The following GABRA5 variants were observed in gnomAD, a reference collection of about 807,000 sequenced individuals.
GABRA5 encodes gamma-aminobutyric acid receptor subunit alpha-5.
Under a neutral mutation model 47.3 loss-of-function variants are expected in GABRA5, and 18 were observed. The observed-to-expected ratio is 0.38, with a 90% CI of 0.26 to 0.56. The LOEUF (loss-of-function observed/expected upper bound fraction) is 0.56, where lower values mean the gene tolerates loss of function less well. GABRA5 is among the 20% of genes least tolerant of loss of function. The probability of loss-of-function intolerance (pLI) is 0.71; values close to 1 mark genes in which losing one functional copy is unlikely to be tolerated. For synonymous variants in GABRA5, 237 were observed against 229.3 expected (o/e 1.03, Z -0.30); for missense variants, 365 against 599.3 (o/e 0.61, Z 4.08).
chr15:26,925,933 A>G (rs978374734), intron 7 of GABRA5, among the ~76,000 whole-genome samples: 6 of 152,216 alleles, frequency 3.9e-5, no homozygotes, highest in African/African-American at 1.4e-4. Flanking sequence ...ATGCATATGC[A>G]TAATTGAGGG....
intron 7 of GABRA5, among the ~76,000 whole-genome samples, chr15:26,926,796 C>T (rs1204948382): frequency 1.3e-5 from 2 of 152,122 alleles, no homozygotes; most frequent in African/African-American, 4.8e-5. Context: ...TTCAAGTCAA[C>T]GTGATACCCA....
chr15:26,879,770 T>C (rs1188103414), intron 3 of GABRA5, among the ~76,000 whole-genome samples: 1 of 152,150 alleles, frequency 6.6e-6, no homozygotes, highest in East Asian at 1.9e-4. Context: ...TTCAGCCTTT[T>C]CATGGGAGAG....
intron 6 of GABRA5, among the ~76,000 whole-genome samples, chr15:26,907,769 T>C (rs1484688421): frequency 6.6e-6 from 1 of 152,210 alleles, no homozygotes. Flanking sequence ...TCAGTTTTCA[T>C]ATAGTTGACT....
chr15:26,918,955 G>A (rs1893778092), intron 7 of GABRA5, among the ~76,000 whole-genome samples: 1 of 152,040 alleles, frequency 6.6e-6, no homozygotes. Context: ...CCTGGGCAAT[G>A]TGGGAAAACA....
intron 6 of GABRA5, 29 bp from the exon 7 acceptor site, chr15:26,914,774 T>A: frequency 6.3e-7 from 1 of 1,582,004 alleles, no homozygotes; most frequent in Non-Finnish European, 8.7e-7. Context: ...GAGAGAGTCG[T>A]TCAAAGGTCT....
At chr15:26,926,171 T>A (rs1347189961) in intron 7 of GABRA5, among the ~76,000 whole-genome samples, 1 of 152,048 alleles carries the variant, frequency 6.6e-6, no homozygotes, top group Non-Finnish European at 1.5e-5. Flanking sequence ...AGCCATTCTT[T>A]CCTCTAAATG....
chr15:26,888,006 A>G (rs1892920271), intron 6 of GABRA5, among the ~76,000 whole-genome samples: 1 of 152,336 alleles, frequency 6.6e-6, no homozygotes, highest in East Asian at 1.9e-4. Flanking sequence ...AATCCCTGCC[A>G]TGTTTCTGAA....
chr15:26,907,661 A>G (rs1034813816), intron 6 of GABRA5, among the ~76,000 whole-genome samples: 1 of 152,202 alleles, frequency 6.6e-6, no homozygotes, highest in African/African-American at 2.4e-5. Context: ...CACACGTCAC[A>G]GTCAGAAAAA....
chr15:26,894,157 G>C lies in GABRA5; in HGVS notation c.497+10600G>C, dbSNP rs181706466. Among the ~76,000 whole-genome samples, 386 of 152,286 alleles carry C rather than the reference G, an allele frequency of 2.5e-3. 10 individuals carry two copies. In the East Asian group the frequency reaches 0.065, roughly 25 times the overall value. On this transcript the variant is annotated intron_variant, in intron 6 of 10. Coordinates refer to ENST00000335625, the MANE Select transcript of GABRA5 (RefSeq NM_000810.4). The stretch of plus-strand genomic sequence containing the variant: ...CCCAGACGGCGCCGGACCTGGGCCC[G>C]GACTCTGCGAGCAGCCCAGCCCTCA...
At chr15:26,873,966 T>C (rs1313879727) in intron 3 of GABRA5, among the ~76,000 whole-genome samples, 2 of 152,174 alleles carry the variant, frequency 1.3e-5, no homozygotes, top group Non-Finnish European at 2.9e-5. Flanking sequence ...TAATTCTCAG[T>C]TATCTGCTTT....
intron 7 of GABRA5, among the ~76,000 whole-genome samples, chr15:26,919,234 TTTACA>T (rs1245655451): frequency 2.0e-5 from 3 of 152,168 alleles, no homozygotes; most frequent in Admixed American, 6.5e-5. Flanking sequence ...GTTTAATTCA[TTTACA>T]TTTAAAGTAA....
intron 6 of GABRA5, among the ~76,000 whole-genome samples, chr15:26,898,970 AAGTGATC>A (rs1426954602): frequency 3.9e-5 from 6 of 152,106 alleles, no homozygotes; most frequent in African/African-American, 1.4e-4. Context: ...TCCTGGGCTC[AAGTGATC>A]CTCCCACCTC....
intron 6 of GABRA5, among the ~76,000 whole-genome samples, chr15:26,901,148 A>C (rs1893317705): frequency 6.6e-6 from 1 of 152,176 alleles, no homozygotes; most frequent in Non-Finnish European, 1.5e-5. Context: ...TTGTGTAGGC[A>C]TAAGTTTTCC....
intron 4 of GABRA5, among the ~76,000 whole-genome samples, chr15:26,882,880 G>C (rs922688895): frequency 6.6e-6 from 1 of 152,188 alleles, no homozygotes; most frequent in African/African-American, 2.4e-5. Flanking sequence ...AAACCCCAAG[G>C]CCCCACGGCG....
chr15:26,923,218 A>G (rs995064725), intron 7 of GABRA5, among the ~76,000 whole-genome samples: 2 of 152,080 alleles, frequency 1.3e-5, no homozygotes, highest in Admixed American at 1.3e-4. Context: ...GTGTTCCAAG[A>G]TTCATTCTTT....
intron 3 of GABRA5, among the ~76,000 whole-genome samples, chr15:26,872,859 A>G (rs1458056893): frequency 1.3e-5 from 2 of 152,232 alleles, no homozygotes; most frequent in Non-Finnish European, 2.9e-5. Flanking sequence ...TATAGATGTG[A>G]TAAGTGCAAT....
At chr15:26,878,922 G>A (rs1414112507) in intron 3 of GABRA5, among the ~76,000 whole-genome samples, 1 of 152,174 alleles carries the variant, frequency 6.6e-6, no homozygotes, top group Non-Finnish European at 1.5e-5. Flanking sequence ...GAGCAGGAGT[G>A]TCTTTATCTC....
chr15:26,879,591 T>C (rs1331856319), intron 3 of GABRA5, among the ~76,000 whole-genome samples: 1 of 152,258 alleles, frequency 6.6e-6, no homozygotes, highest in East Asian at 1.9e-4. Flanking sequence ...TATTCCTTTA[T>C]TCTTTATTCT....
In GABRA5 at chr15:26,869,195, A is replaced by G. The variant is rs368802863; in HGVS notation, c.-54A>G. 7.6e-6 allele frequency: 8 copies of G among 1,054,490 alleles called. No individual in the cohort carries two copies. The African/African-American group carries it at 1.2e-4, about 16-fold the overall frequency. 65.3% of individuals were successfully genotyped at this position (1,054,490 alleles called of 1,614,324 possible). A position where few individuals can be genotyped will look rare whatever the true frequency, so the allele number is the denominator to read the frequency against. ...TTCAGCTTCAAGAACAAGCTGGAGA[A>G]GGGAAGAGTTATTCCTCCATATTCA... On this transcript the variant is annotated 5_prime_UTR_variant, in exon 3 of 11. Coordinates refer to ENST00000335625, the MANE Select transcript of GABRA5 (RefSeq NM_000810.4).
Sources: gnomAD v4.1 joint callset for allele counts (sites outside exome capture counted in the v4.1 genomes callset) on GRCh38, gnomAD v4.1.1 for gene constraint, MANE v1.5 for transcripts, NCBI Gene and HGNC (gene_info 2026-07-23, HGNC 2026-07-21) for gene names.